The following AUTS2 variants were observed in gnomAD, a reference collection of about 807,000 sequenced individuals.
AUTS2 encodes activator of transcription and developmental regulator AUTS2.
Under a neutral mutation model 112.4 loss-of-function variants are expected in AUTS2, and 17 were observed. The ratio of observed to expected loss-of-function variants is 0.15; its 90% confidence interval spans 0.10 to 0.23. The LOEUF (loss-of-function observed/expected upper bound fraction) is 0.23, where lower values mean the gene tolerates loss of function less well. Ranked by LOEUF, AUTS2 falls within the 10% of genes least tolerant of loss-of-function variation. The probability of loss-of-function intolerance (pLI) is 1.00; values close to 1 mark genes in which losing one functional copy is unlikely to be tolerated. For synonymous variants in AUTS2, 751 were observed against 702.7 expected, an observed-to-expected ratio of 1.07 and a Z score of -1.09; for missense variants, 1,510 against 1,701.6, an observed-to-expected ratio of 0.89 and a Z score of 1.98.
intron 1 of AUTS2, among the ~76,000 whole-genome samples, chr7:69,604,896 A>G (rs1173443271): frequency 1.3e-5 from 2 of 152,260 alleles, no homozygotes; most frequent in African/African-American, 2.4e-5. Flanking sequence ...CTGGAAGGGA[A>G]CATAGCTTTA....
chr7:70,648,547 C>T (rs1022940090), intron 5 of AUTS2, among the ~76,000 whole-genome samples: 7 of 152,146 alleles, frequency 4.6e-5, no homozygotes, highest in Non-Finnish European at 1.0e-4. Context: ...GATATAAAAA[C>T]AAAACAGAAT....
chr7:70,535,709 C>A (rs2129501349), intron 5 of AUTS2, among the ~76,000 whole-genome samples: 1 of 152,306 alleles, frequency 6.6e-6, no homozygotes, highest in Middle Eastern at 3.4e-3. Context: ...GCCACTGCGC[C>A]CAGCCTGTTG....
chr7:69,803,376 G>A (rs1455458921), intron 1 of AUTS2, among the ~76,000 whole-genome samples: 4 of 152,178 alleles, frequency 2.6e-5, no homozygotes, highest in Admixed American at 6.5e-5. Context: ...AGAAGCCACC[G>A]ATGCCCACTA....
At chr7:70,511,695 C>T (rs1799202929) in intron 5 of AUTS2, among the ~76,000 whole-genome samples, 1 of 151,002 alleles carries the variant, frequency 6.6e-6, no homozygotes, top group East Asian at 2.0e-4. Context: ...CCTGCCTCAG[C>T]CTCCCAAATA....
At chr7:70,040,539 A>C (rs1032441116) in intron 2 of AUTS2, among the ~76,000 whole-genome samples, 1 of 152,096 alleles carries the variant, frequency 6.6e-6, no homozygotes, top group Non-Finnish European at 1.5e-5. Flanking sequence ...AAGGAATTGC[A>C]TGTTTTTACA....
At chr7:69,773,150 T>G (rs1788738156) in intron 1 of AUTS2, among the ~76,000 whole-genome samples, 1 of 152,158 alleles carries the variant, frequency 6.6e-6, no homozygotes, top group Non-Finnish European at 1.5e-5. Context: ...CCTTGGGAAG[T>G]TCATGTAAAT....
At chr7:69,738,288 A>G (rs1787121058) in intron 1 of AUTS2, among the ~76,000 whole-genome samples, 1 of 150,628 alleles carries the variant, frequency 6.6e-6, no homozygotes, top group Admixed American at 6.6e-5. Flanking sequence ...GGTACATGGG[A>G]GGGGGACAAG....
chr7:70,142,483 C>T (rs1008476519), intron 4 of AUTS2, among the ~76,000 whole-genome samples: 1 of 152,174 alleles, frequency 6.6e-6, no homozygotes, highest in African/African-American at 2.4e-5. Flanking sequence ...CTGTTCTTCA[C>T]TGTCAACATT....
At position 70,030,672 on chromosome 7, in the gene AUTS2, A is replaced by G. The variant is rs11972738; in HGVS notation, c.523-87460A>G. Among the ~76,000 whole-genome samples, 1,343 of 152,228 alleles carry G rather than the reference A, an allele frequency of 8.8e-3. 22 individuals are homozygous for G. The highest frequency in any genetic ancestry group is 0.031 in the African/African-American group (1,279 of 41,524). ...AGCCTCTTAGTATTTGTCATACACT[A>G]TGGATTAAACCAGTTTATGGCCCAT... On this transcript the variant is annotated intron_variant, in intron 2 of 18. Transcript: ENST00000342771.
chr7:69,903,075 T>C (rs1408087016), intron 2 of AUTS2, among the ~76,000 whole-genome samples: 1 of 152,192 alleles, frequency 6.6e-6, no homozygotes, highest in Non-Finnish European at 1.5e-5. Context: ...CACTTAGACA[T>C]GATATAAAAA....
chr7:69,602,032 ATATATATATGTG>A (rs1792444537), intron 1 of AUTS2, among the ~76,000 whole-genome samples: 1 of 13,000 alleles, frequency 7.7e-5, no homozygotes, highest in Non-Finnish European at 1.7e-4. Context: ...ATATATATAT[ATATATATATGTG>A]TGTGTGTGTG....
chr7:69,806,196 G>C (rs1160684215), intron 1 of AUTS2, among the ~76,000 whole-genome samples: 1 of 102,454 alleles, frequency 9.8e-6, no homozygotes, highest in African/African-American at 3.8e-5. Context: ...CCCAGCCAAG[G>C]CTTTTTTTTT....
intron 4 of AUTS2, among the ~76,000 whole-genome samples, chr7:70,173,434 A>G (rs1469223888): frequency 6.6e-6 from 1 of 152,004 alleles, no homozygotes; most frequent in African/African-American, 2.4e-5. Flanking sequence ...GCAATGAGCC[A>G]TTCGCATTTT....
At chr7:70,550,127 C>G (rs1800958700) in intron 5 of AUTS2, among the ~76,000 whole-genome samples, 1 of 152,170 alleles carries the variant, frequency 6.6e-6, no homozygotes, top group Non-Finnish European at 1.5e-5. Context: ...TGGACACCTA[C>G]AGGGACAAAT....
At chr7:69,603,004 G>A (rs561907425) in intron 1 of AUTS2, among the ~76,000 whole-genome samples, 39 of 152,304 alleles carry the variant, frequency 2.6e-4, no homozygotes, top group Middle Eastern at 3.4e-3. Context: ...TAAACTATGA[G>A]CTTGGACAAA....
chr7:70,362,513 TATAAA>T lies in AUTS2; in HGVS notation c.661-73234_661-73230del, dbSNP rs537120405. 4.6e-5 allele frequency among the ~76,000 whole-genome samples: 7 copies of T among 152,232 alleles called. No homozygotes were observed. In the South Asian group the frequency reaches 1.5e-3, roughly 32 times the overall value. On this transcript the variant is annotated intron_variant, in intron 4 of 18. Transcript: ENST00000342771. ...GAAAGTGAAACATTCCTTGCAGTCTTATAAAATAAGTATGTTCGTTGATATTTCAA... is the reference window on the plus strand; with the variant it reads ...GAAAGTGAAACATTCCTTGCAGTCTTATAAGTATGTTCGTTGATATTTCAA...
chr7:70,455,417 A>T (rs1796696666), intron 5 of AUTS2, among the ~76,000 whole-genome samples: 2 of 152,124 alleles, frequency 1.3e-5, no homozygotes, highest in Admixed American at 1.3e-4. Flanking sequence ...GCCCTGGCTC[A>T]TTCGTCTGAT....
At chr7:70,123,517 C>T (rs1805798965) in intron 3 of AUTS2, among the ~76,000 whole-genome samples, 1 of 152,074 alleles carries the variant, frequency 6.6e-6, no homozygotes, top group Non-Finnish European at 1.5e-5. Flanking sequence ...CACCCTCAAG[C>T]AGACCCTAGT....
At chr7:69,651,655 A>G (rs2129133588) in intron 1 of AUTS2, among the ~76,000 whole-genome samples, 1 of 152,354 alleles carries the variant, frequency 6.6e-6, no homozygotes, top group African/African-American at 2.4e-5. Flanking sequence ...GTTACACAGA[A>G]TATTCAAGGT....
Sources: allele counts gnomAD v4.1 joint callset (sites outside exome capture counted in the v4.1 genomes callset), GRCh38; gene constraint gnomAD v4.1.1; transcripts MANE v1.5; gene names NCBI Gene and HGNC (gene_info 2026-07-23, HGNC 2026-07-21).